The following SND1 variants were observed in gnomAD, a reference collection of about 807,000 sequenced individuals.
SND1 encodes the protein staphylococcal nuclease and tudor domain containing 1.
Under a neutral mutation model 121.7 loss-of-function variants are expected in SND1, and 38 were observed. The observed-to-expected ratio is 0.31, with a 90% confidence interval of 0.24 to 0.41. SND1 has a LOEUF of 0.41. SND1 is among the 10% of genes least tolerant of loss of function. The pLI, the probability that SND1 is intolerant of heterozygous loss-of-function variation, is 1.00. For synonymous variants in SND1, 401 were observed against 447.4 expected, an observed-to-expected ratio of 0.90 and a Z score of 1.31; for missense variants, 868 against 1,184.6, an observed-to-expected ratio of 0.73 and a Z score of 3.92.
At chr7:127,875,537 C>A (rs1267359488) in intron 12 of SND1, among the ~76,000 whole-genome samples, 1 of 152,016 alleles carries the variant, frequency 6.6e-6, no homozygotes, top group Non-Finnish European at 1.5e-5. Flanking sequence ...TAGTCTGTTG[C>A]CCTGGAATTG....
chr7:127,684,706 G>A (rs1411968416), intron 1 of SND1, among the ~76,000 whole-genome samples: 7 of 152,062 alleles, frequency 4.6e-5, no homozygotes, highest in African/African-American at 1.7e-4. Context: ...GAAGTTTTAG[G>A]GTTTAATTGC....
At position 127,683,586 on chromosome 7, in the gene SND1, A is replaced by G. The variant is rs764404682; in HGVS notation, c.79-3027A>G. Among the ~76,000 whole-genome samples, 22 of 152,314 alleles carry G rather than the reference A, an allele frequency of 1.4e-4. 1 individual carries two copies. Among genetic ancestry groups the G allele is most frequent in the Non-Finnish European group, 2.5e-4 (17 of 68,030 alleles). ...GGAAACTAGTTCTTCCCTAGTAGAA[A>G]TAGTTCTCTTACTTCCATAACTGTG... On this transcript the variant is annotated intron_variant, in intron 1 of 23. Transcript: ENST00000354725.
intron 10 of SND1, among the ~76,000 whole-genome samples, chr7:127,800,075 C>T (rs1216709532): frequency 6.6e-6 from 1 of 152,092 alleles, no homozygotes; most frequent in East Asian, 1.9e-4. Flanking sequence ...TCCTGGATGC[C>T]AAGGGAATTG....
intron 12 of SND1, among the ~76,000 whole-genome samples, chr7:127,876,600 A>G (rs932117004): frequency 3.9e-5 from 6 of 152,176 alleles, no homozygotes; most frequent in Admixed American, 6.6e-5. Context: ...GTTTTACACA[A>G]TGATGAATCA....
At chr7:128,044,876 T>C (rs183909196) in intron 16 of SND1, among the ~76,000 whole-genome samples, 2 of 152,310 alleles carry the variant, frequency 1.3e-5, no homozygotes, top group East Asian at 1.9e-4. Context: ...TGTACATTTA[T>C]CTCTGAGGCC....
chr7:128,041,865 C>T (rs1404364546), intron 16 of SND1, among the ~76,000 whole-genome samples: 1 of 152,226 alleles, frequency 6.6e-6, no homozygotes, highest in Non-Finnish European at 1.5e-5. Context: ...GTTTACCTCA[C>T]TACCAGCCAA....
rs750535073 is a variant in SND1 at position 127,887,953 on chromosome 7, C to T, written c.1395C>T (p.Tyr465=). Residue 465 remains tyrosine (Y), a synonymous_variant, in exon 13 of 24, where the codon TAC becomes TAT. Coordinates refer to ENST00000354725, the MANE Select transcript of SND1 (RefSeq NM_014390.4). ...VSKGLATVIR[Y]RQDDDQRSSH... ...AAGGTCTAGCCACAGTGATCAGATACCGGCAGGATGATGACCAGAGATCAT... is the reference window on the plus strand; with the variant it reads ...AAGGTCTAGCCACAGTGATCAGATATCGGCAGGATGATGACCAGAGATCAT... 1 of 1,612,334 alleles carries T rather than the reference C, an allele frequency of 6.2e-7. No individual in the cohort carries two copies. Among genetic ancestry groups the T allele is most frequent in the South Asian group, 1.1e-5 (1 of 91,044 alleles).
intron 2 of SND1, among the ~76,000 whole-genome samples, chr7:127,687,720 G>C (rs2116309317): frequency 6.6e-6 from 1 of 152,180 alleles, no homozygotes; most frequent in Admixed American, 6.5e-5. Flanking sequence ...CAAGGTCTCT[G>C]TTGCCCGGGC....
intron 12 of SND1, among the ~76,000 whole-genome samples, chr7:127,850,361 C>T (rs1035329394): frequency 2.6e-5 from 4 of 152,190 alleles, no homozygotes; most frequent in Non-Finnish European, 5.9e-5. Flanking sequence ...TGGGCAAAAG[C>T]AGCCTCTTGA....
At chr7:127,990,491 A>G (rs1005807614) in intron 15 of SND1, among the ~76,000 whole-genome samples, 2 of 152,194 alleles carry the variant, frequency 1.3e-5, no homozygotes, top group Non-Finnish European at 2.9e-5. Context: ...ATTTGGTGTA[A>G]AAGTCAGACA....
intron 15 of SND1, among the ~76,000 whole-genome samples, chr7:127,977,028 C>T (rs560136384): frequency 3.1e-4 from 47 of 152,304 alleles, no homozygotes; most frequent in African/African-American, 1.1e-3. Flanking sequence ...CCAACTCTGC[C>T]TGGCCACACA....
rs1374585992 is a variant in SND1, at chr7:128,074,667, G to A, written c.1945G>A (p.Ala649Thr). Reference sequence around the variant, plus strand: ...CAAGTCCCTGCTGTCTGCCGAGGAGGCCGCAAAGCAGAAGAAAGAGAAGGT... The same window carrying A: ...CAAGTCCCTGCTGTCTGCCGAGGAGACCGCAAAGCAGAAGAAAGAGAAGGT... ...YYKSLLSAEE[A>T]AKQKKEKVWA... Residue 649 changes from alanine to threonine, a missense_variant, in exon 17 of 24, where the codon GCC becomes ACC. Around this residue, in one of 2 missense-constraint regions of SND1, gnomAD observed 743 missense variants for 1,071.3 expected, o/e 0.69. Transcript: ENST00000354725. 2 of 1,612,744 alleles carry A rather than the reference G, an allele frequency of 1.2e-6. No homozygotes were observed. Among genetic ancestry groups the A allele is most frequent in the South Asian group, 2.2e-5 (2 of 90,908 alleles).
intron 1 of SND1, chr7:127,679,404 C>A (rs540975349): frequency 1.6e-4 from 25 of 152,274 alleles, no homozygotes; most frequent in African/African-American, 6.0e-4. Context: ...TTTATGTCCC[C>A]ATGTTTTTGT....
At chr7:127,877,723 G>T (rs188764366) in intron 12 of SND1, among the ~76,000 whole-genome samples, 1 of 152,026 alleles carries the variant, frequency 6.6e-6, no homozygotes, top group Non-Finnish European at 1.5e-5. Flanking sequence ...ATGAGCTACC[G>T]CGTCCAGCCG....
intron 12 of SND1, among the ~76,000 whole-genome samples, chr7:127,876,378 G>C (rs1168321528): frequency 6.6e-6 from 1 of 152,074 alleles, no homozygotes; most frequent in Admixed American, 6.6e-5. Context: ...AGCCTCAACT[G>C]GGGTAGAGAG....
intron 16 of SND1, among the ~76,000 whole-genome samples, chr7:128,066,543 C>G (rs1368507343): frequency 6.6e-6 from 1 of 152,218 alleles, no homozygotes; most frequent in Non-Finnish European, 1.5e-5. Context: ...GCCCACTCCC[C>G]ACGGTTGCAG....
chr7:128,087,078 A>G (rs1304928706), intron 21 of SND1, 27 bp downstream of exon 21: 1 of 1,568,602 alleles, frequency 6.4e-7, no homozygotes, highest in Non-Finnish European at 8.8e-7. Context: ...CCTCCTTCCA[A>G]AGGGGACTAT....
intron 10 of SND1, among the ~76,000 whole-genome samples, chr7:127,744,795 G>A (rs1027554659): frequency 2.0e-5 from 3 of 152,198 alleles, no homozygotes; most frequent in Non-Finnish European, 2.9e-5. Context: ...GGAAGGAAGA[G>A]TTTAGAGATA....
At chr7:127,711,907 A>G (rs986723933) in intron 9 of SND1, among the ~76,000 whole-genome samples, 25 of 151,112 alleles carry the variant, frequency 1.7e-4, no homozygotes, top group African/African-American at 6.1e-4. Flanking sequence ...TACTGACTTC[A>G]GAGATAAAAA....
Sources: gnomAD v4.1 joint callset for allele counts (sites outside exome capture counted in the v4.1 genomes callset) on GRCh38, gnomAD v4.1.1 for gene constraint, gnomAD v4.1.1 regional missense constraint, MANE v1.5 for transcripts, NCBI Gene and HGNC (gene_info 2026-07-23, HGNC 2026-07-21) for gene names.